Variants in SLC8A1 observed in about 807,000 individuals in gnomAD.
The protein encoded by SLC8A1 is solute carrier family 8 member A1, also known as sodium/calcium exchanger 1.
Under a neutral mutation model 68.3 loss-of-function variants are expected in SLC8A1, and 18 were observed. The observed-to-expected ratio is 0.26, with a 90% CI of 0.18 to 0.39. The LOEUF (loss-of-function observed/expected upper bound fraction) is 0.39. Among genes scored for constraint, SLC8A1 ranks in the 10% least tolerant of loss-of-function variants. The pLI is 1.00. For synonymous variants in SLC8A1, 475 were observed against 415.5 expected, an observed-to-expected ratio of 1.14 and a Z score of -1.74; for missense variants, 985 against 1,156.7, an observed-to-expected ratio of 0.85 and a Z score of 2.15.
At chr2:40,285,958 A>T (rs1298548861) in intron 2 of SLC8A1, among the ~76,000 whole-genome samples, 1 of 152,162 alleles carries the variant, frequency 6.6e-6, no homozygotes, top group Admixed American at 6.6e-5. Context: ...ATGATGTTTG[A>T]AATGCAAGTA....
At chr2:40,471,648 G>T (rs1703995671) in intron 1 of SLC8A1, among the ~76,000 whole-genome samples, 1 of 152,108 alleles carries the variant, frequency 6.6e-6, no homozygotes, top group African/African-American at 2.4e-5. Context: ...AGAAGTTACT[G>T]ACCTCAGGCA....
At chr2:40,449,629 T>C (rs1163697497) in intron 1 of SLC8A1, among the ~76,000 whole-genome samples, 2 of 151,960 alleles carry the variant, frequency 1.3e-5, no homozygotes, top group Admixed American at 6.6e-5. Flanking sequence ...AAGGGCTATG[T>C]GCTTAATCTG....
At chr2:40,202,274 G>A (rs906542874) in intron 2 of SLC8A1, among the ~76,000 whole-genome samples, 2 of 151,874 alleles carry the variant, frequency 1.3e-5, no homozygotes, top group East Asian at 3.9e-4. Flanking sequence ...ATCCTTGCAC[G>A]TCCAAATCTT....
At chr2:40,158,340 C>T (rs1240252867) in intron 6 of SLC8A1, among the ~76,000 whole-genome samples, 5 of 152,276 alleles carry the variant, frequency 3.3e-5, no homozygotes, top group African/African-American at 1.2e-4. Context: ...TGAAACTGCC[C>T]TTCATGTAAT....
chr2:40,227,816 C>T (rs185596013), intron 2 of SLC8A1, among the ~76,000 whole-genome samples: 1 of 152,110 alleles, frequency 6.6e-6, no homozygotes, highest in East Asian at 1.9e-4. Flanking sequence ...AATGACAGCA[C>T]GGTGCTATAT....
intron 2 of SLC8A1, chr2:40,195,887 A>T (rs2052890328): frequency 6.6e-6 from 1 of 152,108 alleles, no homozygotes; most frequent in Admixed American, 6.6e-5. Flanking sequence ...CCTTAAAAGA[A>T]AAATCAAAGA....
intron 2 of SLC8A1, among the ~76,000 whole-genome samples, chr2:40,352,877 G>A (rs73926615): frequency 0.018 from 2,707 of 152,206 alleles, 80 homozygotes; most frequent in African/African-American, 0.06. Context: ...CTCCAGTCAC[G>A]TCTGTATCCA....
chr2:40,216,661 T>G (rs767419287), intron 2 of SLC8A1, among the ~76,000 whole-genome samples: 1 of 152,180 alleles, frequency 6.6e-6, no homozygotes, highest in Non-Finnish European at 1.5e-5. Flanking sequence ...GTCGCCAGTC[T>G]CTATTGTTTC....
chr2:40,314,969 T>A (rs946524946), intron 2 of SLC8A1, among the ~76,000 whole-genome samples: 27 of 152,182 alleles, frequency 1.8e-4, no homozygotes, highest in African/African-American at 6.3e-4. Flanking sequence ...CTTTCCAATC[T>A]GGATGTAATT....
intron 2 of SLC8A1, among the ~76,000 whole-genome samples, chr2:40,272,846 C>T (rs905611023): frequency 4.6e-5 from 7 of 152,206 alleles, no homozygotes; most frequent in African/African-American, 1.2e-4. Flanking sequence ...CTGGCAAGTA[C>T]GATTTGGAGC....
At chr2:40,438,764 G>A (rs1279451950) in intron 1 of SLC8A1, among the ~76,000 whole-genome samples, 1 of 152,092 alleles carries the variant, frequency 6.6e-6, no homozygotes, top group East Asian at 1.9e-4. Context: ...AGTTAACAGG[G>A]CCCTATAATC....
intron 2 of SLC8A1, among the ~76,000 whole-genome samples, chr2:40,261,208 A>G (rs1215271556): frequency 6.6e-6 from 1 of 152,142 alleles, no homozygotes; most frequent in Admixed American, 6.6e-5. Context: ...GTGGAGATCA[A>G]TTACCCACAA....
chr2:40,469,316 T>G (rs1009961560), intron 1 of SLC8A1, among the ~76,000 whole-genome samples: 1 of 152,106 alleles, frequency 6.6e-6, no homozygotes, highest in African/African-American at 2.4e-5. Flanking sequence ...ACTGCTGTCA[T>G]GATAGTGAGT....
chr2:40,311,917 A>G (rs910579268), intron 2 of SLC8A1, among the ~76,000 whole-genome samples: 1 of 152,168 alleles, frequency 6.6e-6, no homozygotes, highest in Non-Finnish European at 1.5e-5. Flanking sequence ...TACATCAAAT[A>G]TAAACCAGTA....
chr2:40,323,368 A>G (rs1389153429), intron 2 of SLC8A1, among the ~76,000 whole-genome samples: 1 of 152,206 alleles, frequency 6.6e-6, no homozygotes, highest in Non-Finnish European at 1.5e-5. Context: ...GGTCTTGCAA[A>G]TAGAATTGTC....
chr2:40,312,217 T>G (rs537688303), intron 2 of SLC8A1, among the ~76,000 whole-genome samples: 37 of 152,248 alleles, frequency 2.4e-4, no homozygotes, highest in African/African-American at 7.9e-4. Flanking sequence ...CACCTTTACC[T>G]CATAGGAAAG....
intron 4 of SLC8A1, among the ~76,000 whole-genome samples, chr2:40,166,851 A>G (rs528549604): frequency 6.6e-6 from 1 of 152,354 alleles, no homozygotes; most frequent in East Asian, 1.9e-4. Context: ...TTGAAGACTT[A>G]CACAGAACAA....
intron 2 of SLC8A1, among the ~76,000 whole-genome samples, chr2:40,290,275 T>C (rs1214827251): frequency 1.3e-5 from 2 of 152,130 alleles, no homozygotes; most frequent in African/African-American, 4.8e-5. Context: ...AAAAAAGGTT[T>C]CTTTGTTTCT....
At chr2:40,307,146 T>TACACAC (rs144335092) in intron 2 of SLC8A1, among the ~76,000 whole-genome samples, 13,295 of 148,198 alleles carry the variant, frequency 0.09, 1,157 homozygotes, top group African/African-American at 0.23. Flanking sequence ...AAATGTGATA[T>TACACAC]ACACACACAC....
Sources: allele counts gnomAD v4.1 joint callset (sites outside exome capture counted in the v4.1 genomes callset), GRCh38; gene constraint gnomAD v4.1.1; transcripts MANE v1.5; gene names NCBI Gene and HGNC (gene_info 2026-07-23, HGNC 2026-07-21).